PTPRB: variants seen among roughly 807,000 people sequenced by gnomAD.
PTPRB encodes protein tyrosine phosphatase receptor type B.
Under a neutral mutation model 238.1 loss-of-function variants are expected in PTPRB, and 97 were observed. That is an observed-to-expected ratio of 0.41 (90% CI 0.35 to 0.48). The LOEUF (loss-of-function observed/expected upper bound fraction) is 0.48, where lower values mean the gene tolerates loss of function less well. PTPRB is among the 20% of genes least tolerant of loss of function. The probability of loss-of-function intolerance (pLI) is 0.30; values close to 1 mark genes in which losing one functional copy is unlikely to be tolerated. For synonymous variants in PTPRB, 970 were observed against 995.4 expected, an observed-to-expected ratio of 0.97 and a Z score of 0.48; for missense variants, 2,292 against 2,681.9, an observed-to-expected ratio of 0.85 and a Z score of 3.21.
intron 21 of PTPRB, among the ~76,000 whole-genome samples, chr12:70,547,007 CCT>C (rs1491320516): frequency 6.9e-6 from 1 of 145,650 alleles, no homozygotes; most frequent in Non-Finnish European, 1.5e-5. Flanking sequence ...GAGAAGTACT[CCT>C]TTTTTTTTTT....
intron 31 of PTPRB, 40 bp from the exon 32 acceptor site, chr12:70,532,210 A>G (rs1383575743): frequency 6.5e-7 from 1 of 1,530,278 alleles, no homozygotes; most frequent in Non-Finnish European, 8.8e-7. Context: ...CTTTTTATTA[A>G]ATTTGCCTTT....
chr12:70,545,538 A>AAAAT (rs1313845462), intron 21 of PTPRB, among the ~76,000 whole-genome samples: 1 of 152,238 alleles, frequency 6.6e-6, no homozygotes, highest in East Asian at 1.9e-4. Context: ...GGCAAATAGC[A>AAAAT]AAATAAGAAA....
chr12:70,626,288 T>C (rs1017577728), intron 2 of PTPRB, among the ~76,000 whole-genome samples: 12 of 117,716 alleles, frequency 1.0e-4, no homozygotes, highest in African/African-American at 2.8e-4. Context: ...GGATGATGTC[T>C]ATCCATCCAT....
chr12:70,596,105 A>G lies in PTPRB; in HGVS notation c.1202T>C (p.Ile401Thr), dbSNP rs1462029769. The stretch of plus-strand genomic sequence containing the variant: ...ACGTTTTCCTCCAGAAACAGCTGTG[A>G]TGGCAATATTGTATTTACTACCAGC... ...LTAGSKYNIA[I>T]TAVSGGKRSF... The change falls in exon 5 of 34, where the codon ATC becomes ACC. Residue 401 changes from isoleucine (I) to threonine (T), a missense_variant. Ile to Thr is a moderately conservative substitution (Grantham distance 89). Coordinates refer to ENST00000334414, the MANE Select transcript of PTPRB (RefSeq NM_001109754.4). 1.2e-6 allele frequency: 2 copies of G among 1,613,144 alleles called. No homozygotes were observed. Among genetic ancestry groups the G allele is most frequent in the Non-Finnish European group, 1.7e-6 (2 of 1,179,348 alleles).
chr12:70,598,471 A>G (rs547458668), intron 4 of PTPRB, among the ~76,000 whole-genome samples: 37 of 152,326 alleles, frequency 2.4e-4, no homozygotes, highest in African/African-American at 8.4e-4. Flanking sequence ...TCTCAGCTCT[A>G]ACAAAGTCAT....
At chr12:70,539,428 G>A (rs67267062) in intron 26 of PTPRB, 197 bp downstream of exon 26, 95,921 of 585,216 alleles carry the variant, frequency 0.16, 9,656 homozygotes, top group Non-Finnish European at 0.22. Flanking sequence ...TGTTATTCTG[G>A]AGCTCAAGCT....
intron 2 of PTPRB, among the ~76,000 whole-genome samples, chr12:70,632,661 A>T (rs1056635215): frequency 2.0e-5 from 3 of 151,930 alleles, no homozygotes; most frequent in Non-Finnish European, 2.9e-5. Context: ...TTCTCTCTAC[A>T]TTCTATTGTA....
chr12:70,532,288 A>C lies in PTPRB; in HGVS notation c.6369-118T>G, dbSNP rs1451242781. The C allele has an allele frequency of 2.4e-6, 3 of 1,272,966 alleles. No homozygotes were observed. The African/African-American group carries it at 4.6e-5, about 19-fold the overall frequency. 78.9% of individuals were successfully genotyped at this position (1,272,966 alleles called of 1,614,324 possible). ...TTCCCAGTTATGGGAGAAGATAGGA[A>C]TATTTCTTTCTCTCAAATAAGTTTA... On this transcript the variant is annotated intron_variant, in intron 31 of 33. Coordinates refer to ENST00000334414, the MANE Select transcript of PTPRB (RefSeq NM_001109754.4).
At chr12:70,571,707 A>G in intron 12 of PTPRB, 117 bp downstream of exon 12, 1 of 1,163,242 alleles carries the variant, frequency 8.6e-7, no homozygotes, top group Non-Finnish European at 1.2e-6. Flanking sequence ...GCACCAAGTG[A>G]GACTTACTGG....
intron 27 of PTPRB, 98 bp from the exon 28 acceptor site, chr12:70,538,329 A>C: frequency 1.0e-6 from 1 of 974,478 alleles, no homozygotes; most frequent in Middle Eastern, 2.2e-4. Context: ...CAACAGCCAC[A>C]GATGGGAAGT....
chr12:70,616,019 C>CA (rs1884662527), intron 3 of PTPRB, among the ~76,000 whole-genome samples: 1 of 151,790 alleles, frequency 6.6e-6, no homozygotes, highest in Non-Finnish European at 1.5e-5. Context: ...CAATAATATC[C>CA]TTTTTTTTGC....
chr12:70,603,638 A>T (rs908975405), intron 4 of PTPRB, among the ~76,000 whole-genome samples: 13 of 152,320 alleles, frequency 8.5e-5, no homozygotes, highest in African/African-American at 2.9e-4. Flanking sequence ...CTCATCTCCA[A>T]CCTGGAAGTA....
chr12:70,537,284 C>CAAAAAA (rs58633138), intron 28 of PTPRB, among the ~76,000 whole-genome samples: 1 of 90,694 alleles, frequency 1.1e-5, no homozygotes, highest in Non-Finnish European at 2.1e-5. Flanking sequence ...AAGACCATCT[C>CAAAAAA]AAAAAAAAAA....
chr12:70,624,045 A>C (rs2136584920), intron 2 of PTPRB, among the ~76,000 whole-genome samples: 1 of 152,326 alleles, frequency 6.6e-6, no homozygotes, highest in East Asian at 1.9e-4. Flanking sequence ...TTGGCTATAA[A>C]GCAGTCTTTC....
intron 18 of PTPRB, chr12:70,558,961 A>G (rs1003436204): frequency 5.9e-5 from 19 of 319,460 alleles, no homozygotes; most frequent in African/African-American, 3.5e-4. Flanking sequence ...TTCTTCCCCT[A>G]CCTCTACCTG....
At chr12:70,603,052 G>GT (rs1883653427) in intron 4 of PTPRB, among the ~76,000 whole-genome samples, 8 of 150,916 alleles carry the variant, frequency 5.3e-5, no homozygotes, top group South Asian at 4.2e-4. Flanking sequence ...TTTTTTGTTT[G>GT]TTTTTTTCAT....
At chr12:70,632,578 TA>T (rs796891916) in intron 2 of PTPRB, among the ~76,000 whole-genome samples, 336 of 140,852 alleles carry the variant, frequency 2.4e-3, no homozygotes, top group African/African-American at 4.3e-3. Context: ...AAAGTATAAT[TA>T]AAAAAAAAAA....
Position 70,587,155 on chromosome 12 carries a change from G to A in PTPRB, c.2163C>T (p.Asp721=), listed in dbSNP as rs1245507872. 2 of 1,613,816 alleles carry A rather than the reference G, an allele frequency of 1.2e-6. No homozygotes were observed. Among genetic ancestry groups the A allele is most frequent in the East Asian group, 2.2e-5 (1 of 44,878 alleles). Residue 721 remains aspartate (D), a synonymous_variant, in exon 9 of 34, where the codon GAC becomes GAT. Coordinates refer to ENST00000334414, the MANE Select transcript of PTPRB (RefSeq NM_001109754.4). ...EWEKYIISLA[D]RDLLLIHKSL... ...ACTTGTGGATCAGTAAGAGGTCTCT[G>A]TCAGCTAGGGAAATGATGTATTTCT...
intron 10 of PTPRB, among the ~76,000 whole-genome samples, chr12:70,580,341 T>A (rs1217566359): frequency 6.6e-6 from 1 of 152,234 alleles, no homozygotes; most frequent in African/African-American, 2.4e-5. Flanking sequence ...GGAGATCATT[T>A]TCTTTTTATG....
Sources: allele counts gnomAD v4.1 joint callset (sites outside exome capture counted in the v4.1 genomes callset), GRCh38; gene constraint gnomAD v4.1.1; transcripts MANE v1.5; gene names NCBI Gene and HGNC (gene_info 2026-07-23, HGNC 2026-07-21).